The following SNCAIP variants were observed in gnomAD, a reference collection of about 807,000 sequenced individuals.
SNCAIP encodes synuclein alpha interacting protein.
In SNCAIP, 43 loss-of-function variants were observed where a neutral mutation model predicts 86.7. The observed-to-expected ratio is 0.50, with a 90% CI of 0.39 to 0.64. The LOEUF (loss-of-function observed/expected upper bound fraction) is 0.64, where lower values mean the gene tolerates loss of function less well. SNCAIP is among the 30% of genes least tolerant of loss of function. The pLI, the probability that SNCAIP is intolerant of heterozygous loss-of-function variation, is 0.00. For synonymous variants in SNCAIP, 417 were observed against 427.2 expected, an observed-to-expected ratio of 0.98 and a Z score of 0.29; for missense variants, 981 against 1,103.1, an observed-to-expected ratio of 0.89 and a Z score of 1.57.
intron 4 of SNCAIP, among the ~76,000 whole-genome samples, chr5:122,424,148 G>C (rs1776930516): frequency 6.6e-6 from 1 of 152,182 alleles, no homozygotes; most frequent in African/African-American, 2.4e-5. Context: ...AGGGTCTTCT[G>C]TTTTGTCCTG....
In SNCAIP at chr5:122,343,270, G is replaced by A. The variant is rs146204812; in HGVS notation, c.-47+30986G>A. On this transcript the variant is annotated intron_variant, in intron 1 of 10. Coordinates refer to ENST00000261368, the MANE Select transcript of SNCAIP (RefSeq NM_005460.4). Reference sequence around the variant, plus strand: ...GAGCTGAACTGTTGCCCATTAAGTCGTTTTCTCATGTTTCCCCCTCACCTC... The same window carrying A: ...GAGCTGAACTGTTGCCCATTAAGTCATTTTCTCATGTTTCCCCCTCACCTC... 4.0e-3 allele frequency among the ~76,000 whole-genome samples: 615 copies of A among 152,248 alleles called. 4 individuals are homozygous for A. The highest frequency in any genetic ancestry group is 0.014 in the African/African-American group (573 of 41,550).
At chr5:122,430,268 C>G (rs981939482) in intron 5 of SNCAIP, among the ~76,000 whole-genome samples, 1 of 152,114 alleles carries the variant, frequency 6.6e-6, no homozygotes, top group African/African-American at 2.4e-5. Flanking sequence ...CCAACCATAC[C>G]TCTTTTCTCC....
intron 1 of SNCAIP, among the ~76,000 whole-genome samples, chr5:122,383,142 C>G (rs1055626510): frequency 1.3e-5 from 2 of 152,198 alleles, no homozygotes; most frequent in African/African-American, 2.4e-5. Context: ...CCCCCAGCCT[C>G]GCTGCAGCCT....
At chr5:122,337,562 G>C (rs1756741629) in intron 1 of SNCAIP, among the ~76,000 whole-genome samples, 1 of 151,986 alleles carries the variant, frequency 6.6e-6, no homozygotes, top group Non-Finnish European at 1.5e-5. Flanking sequence ...TTTTTGAGGT[G>C]GAGTCTCGCC....
intron 1 of SNCAIP, among the ~76,000 whole-genome samples, chr5:122,345,211 G>T (rs374498715): frequency 3.9e-5 from 6 of 152,170 alleles, no homozygotes; most frequent in Admixed American, 2.0e-4. Context: ...AAAAAATGTT[G>T]TATCAAATTT....
At position 122,442,972 on chromosome 5, in the gene SNCAIP, A is replaced by C. The variant is rs188358860; in HGVS notation, c.1423-1591A>C. ...ACCCTATGAGGTGAGGAGGGGACTG[A>C]GTAAGGAAAACAATGGAAAGAAAAC... On this transcript the variant is annotated intron_variant, in intron 7 of 10. Coordinates refer to ENST00000261368, the MANE Select transcript of SNCAIP (RefSeq NM_005460.4). Among the ~76,000 whole-genome samples the C allele has an allele frequency of 1.7e-3, 252 of 152,262 alleles. 4 individuals carry two copies. The highest frequency in any genetic ancestry group is 5.8e-3 in the African/African-American group (241 of 41,548).
chr5:122,423,016 A>C lies in SNCAIP; in HGVS notation c.279A>C (p.Glu93Asp), dbSNP rs984726157. ...AGCCAGAGACTCTGGAGAACAATGA[A>C]AGTGATGACCAAAAGAACCAGAAAG... ...KHQPETLENN[E>D]SDDQKNQKVV... The change falls in exon 4 of 11, where the codon GAA becomes GAC. Residue 93 changes from glutamate to aspartate, a missense_variant. By Grantham distance (45) the Glu-to-Asp change is conservative. Transcript: ENST00000261368. 6.2e-6 allele frequency: 10 copies of C among 1,614,004 alleles called. No individual in the cohort carries two copies. Among genetic ancestry groups the C allele is most frequent in the Non-Finnish European group, 7.6e-6 (9 of 1,180,010 alleles).
intron 1 of SNCAIP, among the ~76,000 whole-genome samples, chr5:122,367,897 TATATAA>T (rs1294984403): frequency 6.6e-6 from 1 of 152,150 alleles, no homozygotes; most frequent in Non-Finnish European, 1.5e-5. Context: ...CAAACACACA[TATATAA>T]ATATAAGTGT....
At chr5:122,329,521 TTA>T (rs1437872360) in intron 1 of SNCAIP, among the ~76,000 whole-genome samples, 1 of 152,128 alleles carries the variant, frequency 6.6e-6, no homozygotes, top group Non-Finnish European at 1.5e-5. Flanking sequence ...TGAAGAAAAT[TTA>T]TGATAGTAAT....
intron 3 of SNCAIP, among the ~76,000 whole-genome samples, chr5:122,406,345 C>G (rs945755208): frequency 5.9e-5 from 9 of 152,182 alleles, no homozygotes; most frequent in African/African-American, 2.2e-4. Flanking sequence ...TCTTTTCAAA[C>G]AGACGCAGCA....
At chr5:122,381,023 T>G (rs952772598) in intron 1 of SNCAIP, among the ~76,000 whole-genome samples, 2 of 149,306 alleles carry the variant, frequency 1.3e-5, no homozygotes, top group Admixed American at 6.6e-5. Flanking sequence ...TTCTGTTGAT[T>G]TGGGGTGGAG....
rs775154285 is a variant in SNCAIP, at chr5:122,444,619, C to T, written c.1479C>T (p.Pro493=). 1 of 1,614,156 alleles carries T rather than the reference C, an allele frequency of 6.2e-7. No homozygotes were observed. Among genetic ancestry groups the T allele is most frequent in the Admixed American group, 1.7e-5 (1 of 60,028 alleles). The change falls in exon 8 of 11, where the codon CCC becomes CCT. Residue 493 remains proline, a synonymous_variant. Transcript: ENST00000261368. ...VTMQNHAGEK[P]SQSAERQGHT... ...TGCAGAACCACGCTGGGGAAAAGCC[C>T]TCCCAGAGCGCCGAGCGGCAGGGGC...
chr5:122,392,001 C>T (rs1240994127), intron 2 of SNCAIP, among the ~76,000 whole-genome samples: 1 of 152,150 alleles, frequency 6.6e-6, no homozygotes, highest in African/African-American at 2.4e-5. Context: ...TTTCCAGGAC[C>T]CTCAAGTTCA....
At chr5:122,445,264 T>C (rs565172105) in intron 8 of SNCAIP, among the ~76,000 whole-genome samples, 2 of 152,298 alleles carry the variant, frequency 1.3e-5, no homozygotes, top group East Asian at 3.9e-4. Flanking sequence ...TAATAAAAAA[T>C]AGTGCTCAGT....
chr5:122,344,888 T>A (rs897563461), intron 1 of SNCAIP, among the ~76,000 whole-genome samples: 1 of 152,212 alleles, frequency 6.6e-6, no homozygotes, highest in Non-Finnish European at 1.5e-5. Context: ...ACTGAAGTAG[T>A]TGCCTTTAAT....
chr5:122,423,461 C>T lies in SNCAIP; in HGVS notation c.724C>T (p.Leu242=). 6.2e-7 allele frequency: 1 copy of T among 1,614,216 alleles called. No homozygotes were observed. The highest frequency in any genetic ancestry group is 8.5e-7 in the Non-Finnish European group (1 of 1,180,034). Residue 242 remains leucine (L), a synonymous_variant, in exon 4 of 11, where the codon CTG becomes TTG. Coordinates refer to ENST00000261368, the MANE Select transcript of SNCAIP (RefSeq NM_005460.4). Reference sequence around the variant, plus strand: ...TGAAGAAACCGAGATCTCACCTCCTCTGGTTAAATGTGGCTCTGCATATGA... The same window carrying T: ...TGAAGAAACCGAGATCTCACCTCCTTTGGTTAAATGTGGCTCTGCATATGA... ...STEETEISPP[L]VKCGSAYEPE...
At chr5:122,402,077 G>A (rs1322000661) in intron 2 of SNCAIP, among the ~76,000 whole-genome samples, 2 of 151,312 alleles carry the variant, frequency 1.3e-5, no homozygotes, top group African/African-American at 4.9e-5. Context: ...CTAAACTCTT[G>A]CCTTGGATGA....
chr5:122,322,887 C>T (rs1753260293), intron 1 of SNCAIP, among the ~76,000 whole-genome samples: 1 of 152,146 alleles, frequency 6.6e-6, no homozygotes, highest in Non-Finnish European at 1.5e-5. Context: ...ATGCTGCTTT[C>T]ATTTGGGATT....
chr5:122,318,250 G>GT (rs1330476094), intron 1 of SNCAIP, among the ~76,000 whole-genome samples: 6 of 152,022 alleles, frequency 3.9e-5, no homozygotes, highest in African/African-American at 1.4e-4. Flanking sequence ...GTGGAATATT[G>GT]TTTCTTCTTT....
Sources: gnomAD v4.1 joint callset for allele counts (sites outside exome capture counted in the v4.1 genomes callset) on GRCh38, gnomAD v4.1.1 for gene constraint, MANE v1.5 for transcripts, NCBI Gene and HGNC (gene_info 2026-07-23, HGNC 2026-07-21) for gene names.